The following RALYL variants were observed in gnomAD, a reference collection of about 807,000 sequenced individuals.
The protein encoded by RALYL is RALY RNA binding protein like, also known as RNA-binding Raly-like protein.
RALYL carries 29 observed loss-of-function variants against 35.1 expected under a neutral mutation model. The observed-to-expected ratio is 0.83, with a 90% confidence interval of 0.61 to 1.13. The LOEUF is 1.13. Ranked by LOEUF, RALYL falls within the 50% of genes most tolerant of loss-of-function variation. The pLI is 0.00. For synonymous variants in RALYL, 120 were observed against 127.6 expected (o/e 0.94, Z 0.40); for missense variants, 359 against 360.4 (o/e 1.00, Z 0.03).
intron 1 of RALYL, among the ~76,000 whole-genome samples, chr8:84,272,400 G>A (rs1452570831): frequency 2.0e-5 from 3 of 152,058 alleles, no homozygotes; most frequent in African/African-American, 7.2e-5. Context: ...GGCCAAGTGT[G>A]TACATGTTTA....
At chr8:84,745,282 A>G (rs968789334) in intron 2 of RALYL, among the ~76,000 whole-genome samples, 2 of 152,016 alleles carry the variant, frequency 1.3e-5, no homozygotes, top group African/African-American at 4.8e-5. Flanking sequence ...TGCCACGTTT[A>G]TGATAGTATT....
At chr8:84,201,451 A>G (rs1475791915) in intron 1 of RALYL, among the ~76,000 whole-genome samples, 1 of 152,152 alleles carries the variant, frequency 6.6e-6, no homozygotes, top group Non-Finnish European at 1.5e-5. Flanking sequence ...CCTTGTGAGT[A>G]TGAGTATGAG....
intron 1 of RALYL, among the ~76,000 whole-genome samples, chr8:84,419,614 T>C (rs1164862019): frequency 1.3e-5 from 2 of 151,352 alleles, no homozygotes; most frequent in African/African-American, 4.9e-5. Flanking sequence ...GTTACATATG[T>C]ATACATGTGC....
intron 1 of RALYL, among the ~76,000 whole-genome samples, chr8:84,411,308 C>T (rs1229208592): frequency 1.3e-5 from 2 of 151,800 alleles, no homozygotes; most frequent in Non-Finnish European, 3.0e-5. Flanking sequence ...TTCAGATTAG[C>T]TCTCAGTTGG....
intron 1 of RALYL, among the ~76,000 whole-genome samples, chr8:84,440,585 G>C (rs75189169): frequency 1.5e-4 from 23 of 152,156 alleles, no homozygotes; most frequent in Admixed American, 4.6e-4. Context: ...ACCTTGGCAA[G>C]AATGTTATAA....
Position 84,484,635 on chromosome 8 carries a change from G to C in RALYL, c.-23-44664G>C, listed in dbSNP as rs191748983. On this transcript the variant is annotated intron_variant, in intron 1 of 8. Transcript: ENST00000521268. ...GAAAAAAAGATCTTGCCAATCTACAGTATTCATTCAAATTATTTTTGTTAA... is the reference window on the plus strand; with the variant it reads ...GAAAAAAAGATCTTGCCAATCTACACTATTCATTCAAATTATTTTTGTTAA... Among the ~76,000 whole-genome samples the C allele has an allele frequency of 2.6e-5, 4 of 152,130 alleles. No individual in the cohort carries two copies. The East Asian group carries it at 7.7e-4, about 29-fold the overall frequency.
intron 1 of RALYL, among the ~76,000 whole-genome samples, chr8:84,525,618 C>T (rs1305163278): frequency 6.6e-6 from 1 of 152,050 alleles, no homozygotes; most frequent in Non-Finnish European, 1.5e-5. Flanking sequence ...TGTTTAACGG[C>T]TTGACAGAGT....
At position 84,270,819 on chromosome 8, in the gene RALYL, A is replaced by G. The variant is rs929336085; in HGVS notation, c.-24+86395A>G. Among the ~76,000 whole-genome samples, 4 of 152,306 alleles carry G rather than the reference A, an allele frequency of 2.6e-5. No homozygotes were observed. In the South Asian group the frequency reaches 8.3e-4, roughly 32 times the overall value. The stretch of plus-strand genomic sequence containing the variant: ...TAAAATTAATTTTGTTCTGAGTCTA[A>G]CAAGTTATAGTGAATAGATGAACTT... On this transcript the variant is annotated intron_variant, in intron 1 of 8. Coordinates refer to ENST00000521268, the MANE Select transcript of RALYL (RefSeq NM_173848.7).
chr8:84,353,634 C>T (rs1384153540), intron 1 of RALYL, among the ~76,000 whole-genome samples: 1 of 149,990 alleles, frequency 6.7e-6, no homozygotes, highest in African/African-American at 2.5e-5. Flanking sequence ...TTTTTGTTCA[C>T]AGCACGTCAA....
chr8:84,317,149 A>G (rs1285044238), intron 1 of RALYL, among the ~76,000 whole-genome samples: 2 of 152,210 alleles, frequency 1.3e-5, no homozygotes, highest in East Asian at 3.9e-4. Flanking sequence ...GTGATATTTT[A>G]GTTATAATCC....
At chr8:84,655,674 T>C (rs905355172) in intron 2 of RALYL, among the ~76,000 whole-genome samples, 14 of 152,084 alleles carry the variant, frequency 9.2e-5, no homozygotes, top group Non-Finnish European at 1.8e-4. Context: ...CCTTATATTC[T>C]GATGATAATC....
rs139085215 is a variant in RALYL at position 84,270,633 on chromosome 8, G to T, written c.-24+86209G>T. ...TTTCTATAAAACATTATTACACAGT[G>T]TACTGTCCTAAGGATGACACTGTGA... On this transcript the variant is annotated intron_variant, in intron 1 of 8. Coordinates refer to ENST00000521268, the MANE Select transcript of RALYL (RefSeq NM_173848.7). Among the ~76,000 whole-genome samples, 6 of 151,794 alleles carry T rather than the reference G, an allele frequency of 4.0e-5. No individual in the cohort carries two copies. The East Asian group carries it at 9.7e-4, about 25-fold the overall frequency.
intron 1 of RALYL, among the ~76,000 whole-genome samples, chr8:84,353,196 G>A (rs541217568): frequency 5.3e-5 from 8 of 149,922 alleles, no homozygotes; most frequent in Non-Finnish European, 1.0e-4. Flanking sequence ...TCTATGTCCC[G>A]GACTGTTTCG....
intron 2 of RALYL, among the ~76,000 whole-genome samples, chr8:84,562,589 A>T (rs552073587): frequency 1.3e-5 from 2 of 151,922 alleles, no homozygotes; most frequent in Admixed American, 6.6e-5. Context: ...AATGGAACAG[A>T]TGGGCATCCA....
intron 1 of RALYL, among the ~76,000 whole-genome samples, chr8:84,328,137 T>G (rs1846162029): frequency 1.3e-5 from 2 of 152,196 alleles, no homozygotes. Context: ...ATTGGCTGTA[T>G]TCATTGTCAT....
At chr8:84,876,600 A>T (rs1244776016) in intron 7 of RALYL, among the ~76,000 whole-genome samples, 1 of 152,228 alleles carries the variant, frequency 6.6e-6, no homozygotes, top group Admixed American at 6.5e-5. Flanking sequence ...CAATGGGAAC[A>T]GTTACTCCAT....
chr8:84,776,910 A>T (rs1009219487), intron 3 of RALYL, among the ~76,000 whole-genome samples: 8 of 152,208 alleles, frequency 5.3e-5, no homozygotes, highest in Non-Finnish European at 5.9e-5. Flanking sequence ...TCCTCCTTTT[A>T]TCTGTTTACA....
At chr8:84,187,790 G>A (rs1283478140) in intron 1 of RALYL, among the ~76,000 whole-genome samples, 1 of 152,088 alleles carries the variant, frequency 6.6e-6, no homozygotes, top group African/African-American at 2.4e-5. Flanking sequence ...TTAAGAGCCA[G>A]TAGTAAGTAT....
At chr8:84,726,888 C>T (rs1052214038) in intron 2 of RALYL, among the ~76,000 whole-genome samples, 20 of 152,184 alleles carry the variant, frequency 1.3e-4, no homozygotes, top group Admixed American at 2.6e-4. Context: ...GAAGTTTACA[C>T]AGACACAACA....
Sources: allele counts gnomAD v4.1 joint callset (sites outside exome capture counted in the v4.1 genomes callset), GRCh38; gene constraint gnomAD v4.1.1; transcripts MANE v1.5; gene names NCBI Gene and HGNC (gene_info 2026-07-23, HGNC 2026-07-21).